DDR2: variants seen among roughly 807,000 people sequenced by gnomAD.
The protein encoded by DDR2 is discoidin domain-containing receptor 2.
Under a neutral mutation model 94.9 loss-of-function variants are expected in DDR2, and 27 were observed. That is an observed-to-expected ratio of 0.28 (90% CI 0.21 to 0.39). The LOEUF (loss-of-function observed/expected upper bound fraction) is 0.39. Ranked by LOEUF, DDR2 falls within the 10% of genes least tolerant of loss-of-function variation. The pLI is 1.00. For missense variants in DDR2, 783 were observed against 1,076.0 expected, an observed-to-expected ratio of 0.73 and a Z score of 3.81; for synonymous variants, 382 against 377.2, an observed-to-expected ratio of 1.01 and a Z score of -0.15.
intron 2 of DDR2, among the ~76,000 whole-genome samples, chr1:162,662,561 C>CT (rs1215227256): frequency 6.6e-6 from 1 of 152,134 alleles, no homozygotes; most frequent in Non-Finnish European, 1.5e-5. Context: ...ATTTCACATA[C>CT]TTTTTTACCC....
In DDR2 at chr1:162,770,415, G is replaced by C. The variant is rs770695121; in HGVS notation, c.1407G>C (p.Ser469=). 6.2e-7 allele frequency: 1 copy of C among 1,613,990 alleles called. No homozygotes were observed. Among genetic ancestry groups the C allele is most frequent in the South Asian group, 1.1e-5 (1 of 91,052 alleles). ...SSSPSEQGSN[S]TYDRIFPLRP... ...CACCTAGTGAACAAGGGTCCAACTC[G>C]ACTTACGATCGCATCTTTCCCCTTC... Residue 469 remains serine, a synonymous_variant, in exon 12 of 18, where the codon TCG becomes TCC. Coordinates refer to ENST00000367921, the MANE Select transcript of DDR2 (RefSeq NM_006182.4).
At chr1:162,675,284 A>T (rs961858204) in intron 2 of DDR2, among the ~76,000 whole-genome samples, 1 of 152,136 alleles carries the variant, frequency 6.6e-6, no homozygotes, top group Non-Finnish European at 1.5e-5. Context: ...GGTAGCAGGG[A>T]TGGGGATGCA....
chr1:162,760,722 C>T (rs1389822923), intron 8 of DDR2, among the ~76,000 whole-genome samples: 3 of 151,864 alleles, frequency 2.0e-5, no homozygotes, highest in Non-Finnish European at 4.4e-5. Context: ...GGCTGCAACC[C>T]TGGTTACCTG....
At chr1:162,665,680 A>T (rs1210432808) in intron 2 of DDR2, among the ~76,000 whole-genome samples, 2 of 152,118 alleles carry the variant, frequency 1.3e-5, no homozygotes, top group Admixed American at 6.6e-5. Context: ...GGGAGGAAAA[A>T]AACCTACTTA....
At chr1:162,677,229 C>T (rs537199179) in intron 2 of DDR2, among the ~76,000 whole-genome samples, 1 of 152,200 alleles carries the variant, frequency 6.6e-6, no homozygotes, top group South Asian at 2.1e-4. Context: ...CTTTTCCTCC[C>T]TAAGGGTCCG....
In DDR2 at chr1:162,754,864, AAGAGACATCCAGATCCT is replaced by A. The variant is rs1200894480; in HGVS notation, c.417+10_417+26del. ...ACCGTCATGGGAAACAGGTAGGAAG[AAGAGACATCCAGATCCT>A]GGATGTCCAAGACCATATTTTGACT... On this transcript the variant is annotated intron_variant, in intron 5 of 17. Transcript: ENST00000367921. 11 of 1,613,834 alleles carry A rather than the reference AAGAGACATCCAGATCCT, an allele frequency of 6.8e-6. No individual in the cohort carries two copies. Among genetic ancestry groups the A allele is most frequent in the Non-Finnish European group, 8.5e-6 (10 of 1,179,942 alleles).
chr1:162,708,169 C>T (rs1270616452), intron 2 of DDR2, among the ~76,000 whole-genome samples: 2 of 152,158 alleles, frequency 1.3e-5, no homozygotes, highest in African/African-American at 2.4e-5. Context: ...GATTGCTCTG[C>T]CAAAAGGGCA....
intron 2 of DDR2, among the ~76,000 whole-genome samples, chr1:162,717,631 A>G (rs959955816): frequency 6.6e-6 from 1 of 152,096 alleles, no homozygotes; most frequent in Non-Finnish European, 1.5e-5. Flanking sequence ...AATGACCTTG[A>G]CAGTTTTGAG....
At chr1:162,741,014 A>G (rs1662560079) in intron 3 of DDR2, among the ~76,000 whole-genome samples, 1 of 151,916 alleles carries the variant, frequency 6.6e-6, no homozygotes, top group Non-Finnish European at 1.5e-5. Flanking sequence ...CAAACTTTGG[A>G]TAGAGATACA....
intron 3 of DDR2, among the ~76,000 whole-genome samples, chr1:162,720,665 C>T (rs1367089802): frequency 2.0e-5 from 3 of 152,106 alleles, no homozygotes; most frequent in Admixed American, 6.6e-5. Context: ...TTTGAGTATA[C>T]ACTTAGAAGT....
At chr1:162,718,927 A>G (rs1379013597) in intron 2 of DDR2, 110 bp from the exon 3 acceptor site, 3 of 1,130,410 alleles carry the variant, frequency 2.7e-6, no homozygotes, top group Non-Finnish European at 4.0e-6. Flanking sequence ...CAAACACTGC[A>G]GGAACACAAA....
chr1:162,644,054 A>C (rs1657288633), intron 1 of DDR2, among the ~76,000 whole-genome samples: 1 of 152,184 alleles, frequency 6.6e-6, no homozygotes, highest in South Asian at 2.1e-4. Context: ...GCTTTTTCCC[A>C]AGTGTTTAGG....
intron 2 of DDR2, among the ~76,000 whole-genome samples, chr1:162,700,774 A>T (rs1200042010): frequency 6.6e-6 from 1 of 152,186 alleles, no homozygotes; most frequent in Non-Finnish European, 1.5e-5. Context: ...TGCCTCTATG[A>T]GGTGTTACTC....
At chr1:162,734,357 A>G (rs1442553612) in intron 3 of DDR2, among the ~76,000 whole-genome samples, 3 of 152,214 alleles carry the variant, frequency 2.0e-5, no homozygotes, top group South Asian at 2.1e-4. Flanking sequence ...TCACTTTTCA[A>G]TAGACGTTTA....
intron 8 of DDR2, among the ~76,000 whole-genome samples, chr1:162,760,556 A>G (rs933497464): frequency 4.0e-5 from 6 of 148,602 alleles, no homozygotes; most frequent in African/African-American, 1.2e-4. Context: ...ATATACATAT[A>G]CAACTAGATA....
At chr1:162,722,014 C>CATGAT (rs1196112196) in intron 3 of DDR2, among the ~76,000 whole-genome samples, 1 of 152,130 alleles carries the variant, frequency 6.6e-6, no homozygotes, top group Non-Finnish European at 1.5e-5. Context: ...AAACATTAAA[C>CATGAT]ATGATATGAT....
chr1:162,687,937 A>G (rs1659766625), intron 2 of DDR2, among the ~76,000 whole-genome samples: 1 of 152,204 alleles, frequency 6.6e-6, no homozygotes, highest in Admixed American at 6.5e-5. Context: ...CATGTAGGTG[A>G]GCATCTGCTG....
At chr1:162,638,210 G>A (rs1429693246) in intron 1 of DDR2, among the ~76,000 whole-genome samples, 1 of 152,020 alleles carries the variant, frequency 6.6e-6, no homozygotes, top group Non-Finnish European at 1.5e-5. Flanking sequence ...TAGTAGAGTT[G>A]GGGTTTCACC....
At chr1:162,719,483 A>G (rs1661319243) in intron 3 of DDR2, among the ~76,000 whole-genome samples, 1 of 152,110 alleles carries the variant, frequency 6.6e-6, no homozygotes. Context: ...GTCTTGGAGA[A>G]CTTCTTCAGG....
Sources: gnomAD v4.1 joint callset for allele counts (sites outside exome capture counted in the v4.1 genomes callset) on GRCh38, gnomAD v4.1.1 for gene constraint, MANE v1.5 for transcripts, NCBI Gene and HGNC (gene_info 2026-07-23, HGNC 2026-07-21) for gene names.